Variants in TNIK observed in about 807,000 individuals in gnomAD.
TNIK encodes the protein TRAF2 and NCK interacting kinase.
TNIK carries 49 observed loss-of-function variants against 191.3 expected under a neutral mutation model. The ratio of observed to expected loss-of-function variants is 0.26; its 90% CI spans 0.20 to 0.32. The LOEUF is 0.32. Among genes scored for constraint, TNIK ranks in the 10% least tolerant of loss-of-function variants. The probability of loss-of-function intolerance (pLI) is 1.00; values close to 1 mark genes in which losing one functional copy is unlikely to be tolerated. For synonymous variants in TNIK, 594 were observed against 600.9 expected, an observed-to-expected ratio of 0.99 and a Z score of 0.17; for missense variants, 1,155 against 1,702.3, an observed-to-expected ratio of 0.68 and a Z score of 5.66.
At position 171,110,715 on chromosome 3, in the gene TNIK, T is replaced by C; in HGVS notation, c.2283A>G (p.Arg761=). The C allele has an allele frequency of 6.3e-7, 1 of 1,587,600 alleles. No individual in the cohort carries two copies. The highest frequency in any genetic ancestry group is 8.6e-7 in the Non-Finnish European group (1 of 1,166,378). The part of the protein sequence containing the change: ...QAGSSERTRV[R]ANSKSEGSPV... ...GGTAAAGGTAAGAGAAAGTTTTACCTCGAACTCTGGTGCGTTCACTGGATC... is the reference window on the plus strand; with the variant it reads ...GGTAAAGGTAAGAGAAAGTTTTACCCCGAACTCTGGTGCGTTCACTGGATC... Residue 761 remains arginine, a splice_region_variant and synonymous_variant, in exon 19 of 33, where the codon CGA becomes CGG. Coordinates refer to ENST00000436636, the MANE Select transcript of TNIK (RefSeq NM_015028.4).
intron 21 of TNIK, 80 bp from the exon 22 acceptor site, chr3:171,101,713 T>C: frequency 7.0e-7 from 1 of 1,436,536 alleles, no homozygotes; most frequent in Non-Finnish European, 9.4e-7. Context: ...GTGCTCCAGC[T>C]TAAGCAACAA....
In TNIK at chr3:171,177,389, G is replaced by C; in HGVS notation, c.640-9C>G. On this transcript the variant is annotated splice_polypyrimidine_tract_variant and intron_variant, in intron 7 of 32. Transcript: ENST00000436636. ...AAAGACCACAAGTCACTCTGAAAAA[G>C]AAGGGGCAGACACACACATAAATTC... 6.2e-7 allele frequency: 1 copy of C among 1,601,958 alleles called. No homozygotes were observed. The highest frequency in any genetic ancestry group is 8.5e-7 in the Non-Finnish European group (1 of 1,173,952).
intron 1 of TNIK, among the ~76,000 whole-genome samples, chr3:171,395,714 G>A (rs113235889): frequency 0.011 from 1,717 of 152,252 alleles, 29 homozygotes; most frequent in African/African-American, 0.04. Flanking sequence ...CAGATACCAT[G>A]AGCATTTGTG....
chr3:171,373,719 C>A (rs1716845262), intron 1 of TNIK, among the ~76,000 whole-genome samples: 1 of 152,182 alleles, frequency 6.6e-6, no homozygotes, highest in South Asian at 2.1e-4. Flanking sequence ...ATAACCAACA[C>A]ATGTCCCTCA....
intron 11 of TNIK, among the ~76,000 whole-genome samples, chr3:171,160,926 T>G (rs972987002): frequency 6.6e-6 from 1 of 152,208 alleles, no homozygotes; most frequent in South Asian, 2.1e-4. Flanking sequence ...AAATACCACT[T>G]AGGTCTCTAG....
At chr3:171,094,354 T>C (rs1722453828) in intron 22 of TNIK, among the ~76,000 whole-genome samples, 1 of 152,110 alleles carries the variant, frequency 6.6e-6, no homozygotes, top group African/African-American at 2.4e-5. Context: ...GCCAGGATGG[T>C]CTCGATCTCC....
At chr3:171,268,712 G>T (rs775185736) in intron 2 of TNIK, among the ~76,000 whole-genome samples, 1 of 151,990 alleles carries the variant, frequency 6.6e-6, no homozygotes, top group Non-Finnish European at 1.5e-5. Context: ...CAGAGGGAAA[G>T]GTAATCAAAG....
chr3:171,432,210 C>A (rs1214772260), intron 1 of TNIK, among the ~76,000 whole-genome samples: 1 of 152,104 alleles, frequency 6.6e-6, no homozygotes, highest in African/African-American at 2.4e-5. Context: ...ACACAATCGA[C>A]TTGTGGAAAA....
At chr3:171,181,236 T>C (rs1408938826) in intron 7 of TNIK, among the ~76,000 whole-genome samples, 2 of 152,246 alleles carry the variant, frequency 1.3e-5, no homozygotes, top group African/African-American at 4.8e-5. Flanking sequence ...GCTTTCTCAA[T>C]TGCACAATGG....
chr3:171,232,320 A>C (rs1182636427), intron 2 of TNIK, among the ~76,000 whole-genome samples: 1 of 152,034 alleles, frequency 6.6e-6, no homozygotes, highest in Admixed American at 6.6e-5. Flanking sequence ...TCCCATCTCT[A>C]AAATGGACAA....
At chr3:171,237,873 T>A (rs1403651442) in intron 2 of TNIK, among the ~76,000 whole-genome samples, 1 of 152,268 alleles carries the variant, frequency 6.6e-6, no homozygotes, top group East Asian at 1.9e-4. Context: ...TGCTCTTGTA[T>A]GTACTTGCAC....
chr3:171,291,554 A>T (rs184673606), intron 2 of TNIK, among the ~76,000 whole-genome samples: 16 of 152,294 alleles, frequency 1.1e-4, no homozygotes, highest in Admixed American at 1.0e-3. Context: ...CTAGAACTTT[A>T]AAGATACTGT....
chr3:171,065,910 G>A (rs747398224), intron 32 of TNIK, among the ~76,000 whole-genome samples: 26 of 152,238 alleles, frequency 1.7e-4, no homozygotes, highest in Non-Finnish European at 3.2e-4. Context: ...GTGCTTAGGA[G>A]AATTTGGGGT....
intron 2 of TNIK, among the ~76,000 whole-genome samples, chr3:171,242,159 TAAA>T (rs59090516): frequency 7.0e-6 from 1 of 142,468 alleles, no homozygotes; most frequent in Non-Finnish European, 1.5e-5. Flanking sequence ...GAACTTAAAT[TAAA>T]AAAAAAAAAA....
At chr3:171,415,276 G>A (rs1170269317) in intron 1 of TNIK, among the ~76,000 whole-genome samples, 1 of 152,076 alleles carries the variant, frequency 6.6e-6, no homozygotes, top group African/African-American at 2.4e-5. Flanking sequence ...TTTCATCATA[G>A]CACTTAACCA....
chr3:171,339,886 A>G (rs1333393857), intron 2 of TNIK, among the ~76,000 whole-genome samples: 2 of 152,114 alleles, frequency 1.3e-5, no homozygotes, highest in African/African-American at 4.8e-5. Flanking sequence ...AGCCCCTCCC[A>G]GTCTGCCTCT....
chr3:171,387,252 T>C (rs1718847292), intron 1 of TNIK, among the ~76,000 whole-genome samples: 1 of 152,216 alleles, frequency 6.6e-6, no homozygotes, highest in Admixed American at 6.5e-5. Context: ...AATGAAGGCC[T>C]ACTTGAGAGG....
At chr3:171,091,989 G>C (rs1409508367) in intron 23 of TNIK, among the ~76,000 whole-genome samples, 1 of 146,278 alleles carries the variant, frequency 6.8e-6, no homozygotes, top group Non-Finnish European at 1.5e-5. Flanking sequence ...TCGTTCTGTC[G>C]CCCAGGCTGG....
At chr3:171,190,838 C>A in intron 5 of TNIK, 51 bp from the exon 6 acceptor site, 2 of 1,377,130 alleles carry the variant, frequency 1.5e-6, no homozygotes, top group Non-Finnish European at 2.0e-6. Context: ...AGCCAAGATG[C>A]CAATAAATTA....
Sources: gnomAD v4.1 joint callset for allele counts (sites outside exome capture counted in the v4.1 genomes callset) on GRCh38, gnomAD v4.1.1 for gene constraint, MANE v1.5 for transcripts, NCBI Gene and HGNC (gene_info 2026-07-23, HGNC 2026-07-21) for gene names.